The following CHST11 variants were observed in gnomAD, a reference collection of about 807,000 sequenced individuals.
CHST11 encodes C4S-1.
Under a neutral mutation model 30.4 loss-of-function variants are expected in CHST11, and 9 were observed. That is an observed-to-expected ratio of 0.30 (90% confidence interval 0.18 to 0.52). CHST11 has a LOEUF of 0.52. Among genes scored for constraint, CHST11 ranks in the 20% least tolerant of loss-of-function variants. CHST11 has a pLI of 0.97. For synonymous variants in CHST11, 152 were observed against 187.8 expected (o/e 0.81, Z 1.56); for missense variants, 348 against 460.6 (o/e 0.76, Z 2.24).
intron 1 of CHST11, among the ~76,000 whole-genome samples, chr12:104,498,398 T>C (rs751442750): frequency 2.0e-5 from 3 of 152,184 alleles, no homozygotes; most frequent in Non-Finnish European, 4.4e-5. Flanking sequence ...AAAGGCTTTA[T>C]TGCCAATCAT....
At chr12:104,482,584 G>A (rs2037636969) in intron 1 of CHST11, among the ~76,000 whole-genome samples, 1 of 152,082 alleles carries the variant, frequency 6.6e-6, no homozygotes, top group African/African-American at 2.4e-5. Flanking sequence ...TGCTTAGATC[G>A]ATGAGACAAG....
At chr12:104,665,812 CTTTTTTTTTTTT>C (rs59199522) in intron 2 of CHST11, among the ~76,000 whole-genome samples, 7 of 78,842 alleles carry the variant, frequency 8.9e-5, no homozygotes, top group Admixed American at 1.7e-4. Flanking sequence ...CTCTCTGTCT[CTTTTTTTTTTTT>C]TTTTTTTTTT....
intron 1 of CHST11, among the ~76,000 whole-genome samples, chr12:104,472,252 G>A (rs77653778): frequency 0.059 from 8,977 of 151,824 alleles, 649 homozygotes; most frequent in East Asian, 0.17. Context: ...GAGTACAGGC[G>A]TGAGCCATTG....
chr12:104,694,653 T>C (rs1295798645), intron 2 of CHST11, among the ~76,000 whole-genome samples: 1 of 152,086 alleles, frequency 6.6e-6, no homozygotes, highest in Non-Finnish European at 1.5e-5. Context: ...GTTACTTCAA[T>C]AAAGTGAAGC....
At chr12:104,522,815 T>C (rs2038086843) in intron 1 of CHST11, among the ~76,000 whole-genome samples, 1 of 152,130 alleles carries the variant, frequency 6.6e-6, no homozygotes, top group Admixed American at 6.5e-5. Flanking sequence ...CCCCCTGTGC[T>C]ATTTTGAATC....
chr12:104,675,957 T>C (rs2039738572), intron 2 of CHST11, among the ~76,000 whole-genome samples: 1 of 152,192 alleles, frequency 6.6e-6, no homozygotes, highest in South Asian at 2.1e-4. Flanking sequence ...AGGTGTAGGC[T>C]AAAATCCAGG....
intron 2 of CHST11, among the ~76,000 whole-genome samples, chr12:104,692,985 T>C (rs2039911551): frequency 6.6e-6 from 1 of 152,104 alleles, no homozygotes; most frequent in African/African-American, 2.4e-5. Context: ...CTTACTGTCC[T>C]GGAGGCTGGA....
chr12:104,597,384 G>A (rs1204126817), intron 1 of CHST11, among the ~76,000 whole-genome samples: 1 of 152,150 alleles, frequency 6.6e-6, no homozygotes, highest in East Asian at 1.9e-4. Context: ...CAGTGGGCGG[G>A]GTGGACAGCA....
intron 1 of CHST11, among the ~76,000 whole-genome samples, chr12:104,543,530 A>C (rs1184010319): frequency 6.6e-6 from 1 of 152,164 alleles, no homozygotes; most frequent in Admixed American, 6.6e-5. Flanking sequence ...TTGCAGAGAA[A>C]TGTGGTGTTT....
intron 2 of CHST11, among the ~76,000 whole-genome samples, chr12:104,631,893 A>G (rs1233081407): frequency 6.6e-6 from 1 of 151,822 alleles, no homozygotes; most frequent in Non-Finnish European, 1.5e-5. Flanking sequence ...CTTTCCCGGG[A>G]GCTCCCCCTT....
intron 2 of CHST11, among the ~76,000 whole-genome samples, chr12:104,649,118 G>A (rs983542748): frequency 5.9e-5 from 9 of 152,098 alleles, no homozygotes; most frequent in Non-Finnish European, 1.2e-4. Context: ...GATGGGGGAA[G>A]CAGAGTAGAG....
chr12:104,587,756 GATTTATTTATTT>G (rs71829896), intron 1 of CHST11, among the ~76,000 whole-genome samples: 125,501 of 147,684 alleles, frequency 0.85, 53,557 homozygotes, highest in East Asian at 0.99. Context: ...TGAATCTTAA[GATTTATTTATTT>G]ATTTATTTAT....
chr12:104,637,170 T>C (rs2039330517), intron 2 of CHST11, among the ~76,000 whole-genome samples: 1 of 151,210 alleles, frequency 6.6e-6, no homozygotes, highest in Non-Finnish European at 1.5e-5. Context: ...CTGGGTGTGG[T>C]GGCACGCACT....
intron 1 of CHST11, among the ~76,000 whole-genome samples, chr12:104,463,247 CTG>C (rs2037426287): frequency 1.3e-5 from 2 of 152,318 alleles, no homozygotes; most frequent in African/African-American, 4.8e-5. Context: ...AGTTCAGACT[CTG>C]AGGAAAACCA....
At chr12:104,509,625 C>T (rs2037943344) in intron 1 of CHST11, among the ~76,000 whole-genome samples, 1 of 152,080 alleles carries the variant, frequency 6.6e-6, no homozygotes, top group African/African-American at 2.4e-5. Flanking sequence ...TGTTCTAAAA[C>T]CAAAAATTGC....
intron 2 of CHST11, among the ~76,000 whole-genome samples, chr12:104,734,878 C>T (rs544030270): frequency 1.3e-5 from 2 of 152,314 alleles, no homozygotes; most frequent in Admixed American, 6.5e-5. Context: ...GTGGGGCCTG[C>T]GTTTATCTGA....
chr12:104,696,980 A>G (rs1041164128), intron 2 of CHST11, among the ~76,000 whole-genome samples: 5 of 152,180 alleles, frequency 3.3e-5, no homozygotes, highest in African/African-American at 1.2e-4. Flanking sequence ...ATCATGTTCC[A>G]TCATATGATT....
rs2136150867 is a variant in CHST11, at chr12:104,758,526, A to G, written c.*723A>G. On this transcript the variant is annotated 3_prime_UTR_variant, in exon 3 of 3. Coordinates refer to ENST00000303694, the MANE Select transcript of CHST11 (RefSeq NM_018413.6). Reference sequence around the variant, plus strand: ...GCGGTGCCAGTTGCAGTGAAGGTGAAGTGGCTATTGCTTTATATTCGACAA... The same window carrying G: ...GCGGTGCCAGTTGCAGTGAAGGTGAGGTGGCTATTGCTTTATATTCGACAA... 1 of 152,344 alleles carries G rather than the reference A, an allele frequency of 6.6e-6. No homozygotes were observed. The highest frequency in any genetic ancestry group is 1.9e-4 in the East Asian group (1 of 5,190). 9.4% of individuals were successfully genotyped at this position (152,344 alleles called of 1,614,324 possible).
At chr12:104,575,702 G>A (rs900366123) in intron 1 of CHST11, among the ~76,000 whole-genome samples, 2 of 152,068 alleles carry the variant, frequency 1.3e-5, no homozygotes, top group Non-Finnish European at 2.9e-5. Flanking sequence ...CAGCTGTCAG[G>A]GTAAAGGATG....
Sources: allele counts gnomAD v4.1 joint callset (sites outside exome capture counted in the v4.1 genomes callset), GRCh38; gene constraint gnomAD v4.1.1; transcripts MANE v1.5; gene names NCBI Gene and HGNC (gene_info 2026-07-23, HGNC 2026-07-21).